Variants in MEIS2 observed in about 807,000 individuals in gnomAD.
MEIS2 encodes Meis homeobox 2.
MEIS2 carries 9 observed loss-of-function variants against 58.6 expected under a neutral mutation model. That is an observed-to-expected ratio of 0.15 (90% CI 0.09 to 0.27). The LOEUF is 0.27. Among genes scored for constraint, MEIS2 ranks in the 10% least tolerant of loss-of-function variants. MEIS2 has a pLI of 1.00. For synonymous variants in MEIS2, 221 were observed against 228.4 expected, an observed-to-expected ratio of 0.97 and a Z score of 0.29; for missense variants, 427 against 635.0, an observed-to-expected ratio of 0.67 and a Z score of 3.52.
chr15:37,047,168 T>A (rs1031152929), intron 7 of MEIS2, among the ~76,000 whole-genome samples: 1 of 152,184 alleles, frequency 6.6e-6, no homozygotes, highest in African/African-American at 2.4e-5. Flanking sequence ...TTTTTAGTGA[T>A]CTCTCAAATG....
chr15:36,995,148 A>G (rs1232565805), intron 8 of MEIS2, among the ~76,000 whole-genome samples: 1 of 152,162 alleles, frequency 6.6e-6, no homozygotes, highest in Non-Finnish European at 1.5e-5. Flanking sequence ...CGATGCAACA[A>G]ACGTCTCTGT....
chr15:36,959,053 A>G (rs1244227315), intron 8 of MEIS2, among the ~76,000 whole-genome samples: 1 of 152,152 alleles, frequency 6.6e-6, no homozygotes, highest in Non-Finnish European at 1.5e-5. Flanking sequence ...CCTAGAGAGG[A>G]TATTAGCGGT....
rs974011166 is a variant in MEIS2, at chr15:37,071,064, C to T, written c.754+12707G>A. Among the ~76,000 whole-genome samples, 9 of 151,940 alleles carry T rather than the reference C, an allele frequency of 5.9e-5. No homozygotes were observed. In the East Asian group the frequency reaches 1.7e-3, roughly 29 times the overall value. Reference sequence around the variant, plus strand: ...CCATTCAAAATTGTTCAATAGGTCCCTATTACCTAGCAAATCAAGCACAAA... The same window carrying T: ...CCATTCAAAATTGTTCAATAGGTCCTTATTACCTAGCAAATCAAGCACAAA... On this transcript the variant is annotated intron_variant, in intron 7 of 11. Transcript: ENST00000561208.
intron 8 of MEIS2, among the ~76,000 whole-genome samples, chr15:36,975,384 T>G (rs1219517178): frequency 6.6e-6 from 1 of 152,150 alleles, no homozygotes; most frequent in Non-Finnish European, 1.5e-5. Flanking sequence ...AAATCCCATA[T>G]CTGTGTTTCA....
chr15:36,913,754 A>AT (rs535101559), intron 9 of MEIS2, among the ~76,000 whole-genome samples: 53 of 151,840 alleles, frequency 3.5e-4, no homozygotes, highest in African/African-American at 1.2e-3. Context: ...GCTTAAGGAG[A>AT]TTTTTTTCCT....
chr15:37,001,055 G>A (rs1280983800), intron 8 of MEIS2, among the ~76,000 whole-genome samples: 4 of 152,050 alleles, frequency 2.6e-5, no homozygotes, highest in East Asian at 1.9e-4. Context: ...CTTCTCTGTC[G>A]ACCTTGATCT....
intron 8 of MEIS2, among the ~76,000 whole-genome samples, chr15:36,957,788 T>A (rs1200995585): frequency 6.6e-6 from 1 of 152,234 alleles, no homozygotes; most frequent in Non-Finnish European, 1.5e-5. Context: ...AATGCATTAG[T>A]TCTGAAATTG....
intron 9 of MEIS2, among the ~76,000 whole-genome samples, chr15:36,928,392 G>A (rs2057833448): frequency 6.6e-6 from 1 of 152,152 alleles, no homozygotes; most frequent in Non-Finnish European, 1.5e-5. Flanking sequence ...GTAATATTCT[G>A]AATCAAAATC....
chr15:36,935,349 A>T (rs921157871), intron 9 of MEIS2, among the ~76,000 whole-genome samples: 12 of 151,812 alleles, frequency 7.9e-5, no homozygotes, highest in Non-Finnish European at 1.6e-4. Context: ...CCCAAACTAA[A>T]TTTTTTGAAG....
chr15:37,099,211 C>A, intron 1 of MEIS2: 1 of 1,417,810 alleles, frequency 7.1e-7, no homozygotes, highest in Non-Finnish European at 9.2e-7. Flanking sequence ...CGCCGCCCGC[C>A]CGCTCGCACA....
At chr15:36,989,387 C>T (rs190155746) in intron 8 of MEIS2, among the ~76,000 whole-genome samples, 5 of 152,272 alleles carry the variant, frequency 3.3e-5, no homozygotes, top group Admixed American at 1.3e-4. Context: ...ACAGTATTCG[C>T]GTTTGAAAAT....
At chr15:36,994,953 A>G (rs1002119884) in intron 8 of MEIS2, among the ~76,000 whole-genome samples, 4 of 152,240 alleles carry the variant, frequency 2.6e-5, no homozygotes, top group Admixed American at 1.3e-4. Flanking sequence ...CAGACCTCAC[A>G]TAGCTCACAT....
chr15:37,014,477 G>C (rs528438652), intron 8 of MEIS2, among the ~76,000 whole-genome samples: 24 of 152,306 alleles, frequency 1.6e-4, no homozygotes, highest in African/African-American at 5.5e-4. Context: ...TTTGCCTAAA[G>C]AGACAAGAGA....
At chr15:37,066,666 T>A (rs1313565935) in intron 7 of MEIS2, 1 of 152,214 alleles carries the variant, frequency 6.6e-6, no homozygotes, top group Non-Finnish European at 1.5e-5. Flanking sequence ...TGAAAAGTAA[T>A]AGATACAGCA....
chr15:36,950,534 G>T, intron 8 of MEIS2, 134 bp from the exon 9 acceptor site: 1 of 825,870 alleles, frequency 1.2e-6, no homozygotes, highest in Non-Finnish European at 1.9e-6. Context: ...TTTTTATCAT[G>T]TGTTGAGAAA....
intron 6 of MEIS2, among the ~76,000 whole-genome samples, chr15:37,084,116 G>A (rs1892590580): frequency 6.6e-6 from 1 of 151,962 alleles, no homozygotes; most frequent in Non-Finnish European, 1.5e-5. Flanking sequence ...GTATATGTTG[G>A]TTAAAACTAA....
intron 5 of MEIS2, 29 bp downstream of exon 5, chr15:37,094,498 C>G (rs1303202174): frequency 1.2e-6 from 2 of 1,608,246 alleles, no homozygotes; most frequent in Admixed American, 1.7e-5. Context: ...ATGGTTTAAT[C>G]AACACGGGGA....
intron 8 of MEIS2, among the ~76,000 whole-genome samples, chr15:37,015,576 G>A (rs1250741338): frequency 6.9e-6 from 1 of 144,118 alleles, no homozygotes; most frequent in African/African-American, 2.5e-5. Context: ...AGGGAGGGCA[G>A]ATTTGAGGTG....
chr15:36,961,402 G>A (rs532527981), intron 8 of MEIS2, among the ~76,000 whole-genome samples: 7 of 151,944 alleles, frequency 4.6e-5, no homozygotes, highest in East Asian at 3.9e-4. Context: ...ACATTCACTC[G>A]TTCAAGACAA....
Sources: gnomAD v4.1 joint callset for allele counts (sites outside exome capture counted in the v4.1 genomes callset) on GRCh38, gnomAD v4.1.1 for gene constraint, MANE v1.5 for transcripts, NCBI Gene and HGNC (gene_info 2026-07-23, HGNC 2026-07-21) for gene names.